The following WNT9B variants were observed in gnomAD, a reference collection of about 807,000 sequenced individuals.
The protein encoded by WNT9B is protein Wnt-9b.
Under a neutral mutation model 30.2 loss-of-function variants are expected in WNT9B, and 12 were observed. The ratio of observed to expected loss-of-function variants is 0.40; its 90% CI spans 0.26 to 0.64. The LOEUF (loss-of-function observed/expected upper bound fraction) is 0.64, where lower values mean the gene tolerates loss of function less well. WNT9B is among the 30% of genes least tolerant of loss of function. WNT9B has a pLI of 0.42. For missense variants in WNT9B, 442 were observed against 485.2 expected (o/e 0.91, Z 0.84); for synonymous variants, 218 against 216.9 (o/e 1.01, Z -0.05).
chr17:46,863,104 G>A (rs538264954), intron 1 of WNT9B, among the ~76,000 whole-genome samples: 1 of 67,380 alleles, frequency 1.5e-5, no homozygotes, highest in Non-Finnish European at 2.9e-5. Flanking sequence ...GCAATCAGTC[G>A]TGGGCTAGGG....
intron 1 of WNT9B, among the ~76,000 whole-genome samples, chr17:46,860,593 G>A (rs1284636360): frequency 6.6e-6 from 1 of 152,200 alleles, no homozygotes; most frequent in Non-Finnish European, 1.5e-5. Context: ...AGAGTTAAAT[G>A]AATGTATATA....
chr17:46,841,302 A>G (rs2084710291), intron 1 of WNT9B, among the ~76,000 whole-genome samples: 1 of 152,164 alleles, frequency 6.6e-6, no homozygotes, highest in African/African-American at 2.4e-5. Context: ...TCACCCAGCT[A>G]GGAAGGAAAG....
Position 46,851,666 on chromosome 17 carries a change from G to T in WNT9B, c.28G>T (p.Ala10Ser), listed in dbSNP as rs764676163. The T allele has an allele frequency of 1.9e-5, 25 of 1,304,062 alleles. No individual in the cohort carries two copies. The East Asian group carries it at 6.3e-4, about 33-fold the overall frequency. The allele number at this position is 1,304,062 out of a possible 1,614,324, so 80.8% of individuals were successfully genotyped here. A position where few individuals can be genotyped will look rare whatever the true frequency, so the allele number is the denominator to read the frequency against. The change falls in exon 1 of 4, where the codon GCC becomes TCC. Residue 10 changes from alanine (A) to serine (S), a missense_variant. Transcript: ENST00000290015. This position sits in a 1 kb window ranked among gnomAD's most constrained non-coding sequence, Gnocchi z 4.3. ...GCGCCCCCCGCCCGCGCTGGCCCTG[G>T]CCGGGCTCTGCCTGCTGGCGCTGCC... MRPPPALALAGLCLLALPAA... is the reference protein window; with the variant it reads MRPPPALALSGLCLLALPAA...
intron 1 of WNT9B, among the ~76,000 whole-genome samples, chr17:46,836,021 G>C (rs1215204985): frequency 3.3e-5 from 5 of 151,952 alleles, no homozygotes; most frequent in Non-Finnish European, 1.5e-5. Flanking sequence ...ATTCTGGATG[G>C]GGCCTGCGAG....
At chr17:46,853,124 T>A (rs1384525360) in intron 1 of WNT9B, among the ~76,000 whole-genome samples, 1 of 152,152 alleles carries the variant, frequency 6.6e-6, no homozygotes, top group Non-Finnish European at 1.5e-5. Context: ...CTTGAAGGAA[T>A]GGTTGTTCCC....
intron 1 of WNT9B, among the ~76,000 whole-genome samples, chr17:46,861,380 G>A (rs1301129106): frequency 3.9e-5 from 6 of 152,124 alleles, no homozygotes; most frequent in South Asian, 2.1e-4. Context: ...GGTGGGCAGC[G>A]TCCTCTCCCT....
At position 46,879,792 on chromosome 17, in the gene WNT9B, C is replaced by T. The variant is rs1401532874; in HGVS notation, c.*3074C>T. Among the ~76,000 whole-genome samples, 2 of 152,226 alleles carry T rather than the reference C, an allele frequency of 1.3e-5. No individual in the cohort carries two copies. The highest frequency in any genetic ancestry group is 6.5e-5 in the Admixed American group (1 of 15,286). ...CTCAGGGAAGCAGTTCCTTCCCAGG[C>T]TGTGATCCCAGCCTTTTGGATCTGG... On this transcript the variant is annotated 3_prime_UTR_variant, in exon 4 of 4. Transcript: ENST00000290015.
downstream of WNT9B, among the ~76,000 whole-genome samples, chr17:46,883,644 A>G (rs1431514446): frequency 6.6e-6 from 1 of 152,156 alleles, no homozygotes; most frequent in Non-Finnish European, 1.5e-5. Context: ...TTGCTACACA[A>G]TAAGTAGCAG....
In WNT9B at chr17:46,877,723, CCAGCTGAG is replaced by C. The variant is rs1310257211; in HGVS notation, c.*1006_*1013del. ...CTGCCTGGTCTGTGACACCCCCATA[CCAGCTGAG>C]TTCACAATACTGAAGAACAGCTGGC... On this transcript the variant is annotated 3_prime_UTR_variant, in exon 4 of 4. Transcript: ENST00000290015. Among the ~76,000 whole-genome samples the C allele has an allele frequency of 6.6e-6, 1 of 152,152 alleles. No homozygotes were observed. The highest frequency in any genetic ancestry group is 1.5e-5 in the Non-Finnish European group (1 of 68,020).
chr17:46,837,287 C>G lies in WNT9B; in HGVS notation c.95+3847C>G, dbSNP rs112363431. Among the ~76,000 whole-genome samples, 1,193 of 152,276 alleles carry G rather than the reference C, an allele frequency of 7.8e-3. 11 individuals are homozygous for G. Among genetic ancestry groups the G allele is most frequent in the African/African-American group, 0.028 (1,143 of 41,556 alleles). Reference sequence around the variant, plus strand: ...TGATATTTGTTTTGCCCCCTTCATCCCTTTACTTATGTAACCAAACTCCAC... The same window carrying G: ...TGATATTTGTTTTGCCCCCTTCATCGCTTTACTTATGTAACCAAACTCCAC... On this transcript the variant is annotated intron_variant, in intron 1 of 2. Coordinates refer to the WNT9B transcript ENST00000575372.
At chr17:46,847,761 C>A (rs1598833116), upstream of WNT9B, among the ~76,000 whole-genome samples, 1 of 152,150 alleles carries the variant, frequency 6.6e-6, no homozygotes, top group East Asian at 1.9e-4. Flanking sequence ...AGAGAGCCAG[C>A]CTGGGAAGCC....
chr17:46,872,823 G>GGGA lies in WNT9B; in HGVS notation c.334+59_334+61dup, dbSNP rs2146601281. On this transcript the variant is annotated intron_variant, in intron 2 of 3. Transcript: ENST00000290015. ...GGAGGGCTGGGGGAAGAAGCCTTCA[G>GGGA]GGAGGAGGAGGCTGGGAGAGGCTGC... The GGGA allele has an allele frequency of 2.7e-6, 4 of 1,502,504 alleles. 1 individual carries two copies. The East Asian group carries it at 9.3e-5, about 35-fold the overall frequency. 93.1% of individuals were successfully genotyped at this position (1,502,504 alleles called of 1,614,324 possible).
chr17:46,855,378 A>G (rs1200984185), intron 1 of WNT9B, among the ~76,000 whole-genome samples: 3 of 152,232 alleles, frequency 2.0e-5, no homozygotes, highest in Non-Finnish European at 4.4e-5. Flanking sequence ...TTTGGCTCAC[A>G]GAACAGCATG....
intron 1 of WNT9B, among the ~76,000 whole-genome samples, chr17:46,868,636 A>T (rs191211442): frequency 6.6e-6 from 1 of 151,798 alleles, no homozygotes; most frequent in African/African-American, 2.4e-5. Flanking sequence ...CACCAAAATA[A>T]ACACATTTTT....
chr17:46,859,115 T>A (rs929398464), intron 1 of WNT9B, among the ~76,000 whole-genome samples: 1 of 151,864 alleles, frequency 6.6e-6, no homozygotes, highest in African/African-American at 2.4e-5. Flanking sequence ...TAGCTGGAAG[T>A]ACAGATGCCC....
At chr17:46,849,455 TG>T (rs2084813826), upstream of WNT9B, among the ~76,000 whole-genome samples, 1 of 152,162 alleles carries the variant, frequency 6.6e-6, no homozygotes, top group South Asian at 2.1e-4. Context: ...CTAGGGGGTG[TG>T]GCTGGGGCCT....
At chr17:46,863,109 C>G (rs936874480) in intron 1 of WNT9B, among the ~76,000 whole-genome samples, 1 of 18,534 alleles carries the variant, frequency 5.4e-5, no homozygotes, top group African/African-American at 2.5e-4. Context: ...CAGTCGTGGG[C>G]TAGGGAGGGC....
At chr17:46,865,513 G>A (rs1237291610) in intron 1 of WNT9B, among the ~76,000 whole-genome samples, 2 of 152,166 alleles carry the variant, frequency 1.3e-5, no homozygotes, top group Admixed American at 1.3e-4. Flanking sequence ...AGCTGGGTAG[G>A]GAAGGAAGGC....
intron 1 of WNT9B, among the ~76,000 whole-genome samples, chr17:46,854,314 C>T (rs1017835864): frequency 1.3e-5 from 2 of 152,214 alleles, no homozygotes; most frequent in African/African-American, 4.8e-5. Flanking sequence ...TGAGGCAAAG[C>T]GCTTCTTCCT....
Sources: allele counts gnomAD v4.1 joint callset (sites outside exome capture counted in the v4.1 genomes callset), GRCh38; gene constraint gnomAD v4.1.1; non-coding constraint Gnocchi (gnomAD v3.1); transcripts MANE v1.5; gene names NCBI Gene and HGNC (gene_info 2026-07-23, HGNC 2026-07-21).